Variants in LRMDA observed in about 807,000 individuals in gnomAD.
The protein encoded by LRMDA is leucine-rich melanocyte differentiation-associated protein.
Under a neutral mutation model 29.8 loss-of-function variants are expected in LRMDA, and 18 were observed. The ratio of observed to expected loss-of-function variants is 0.60; its 90% confidence interval spans 0.42 to 0.90. The LOEUF (loss-of-function observed/expected upper bound fraction) is 0.90. Among genes scored for constraint, LRMDA ranks in the 40% least tolerant of loss-of-function variants. The probability of loss-of-function intolerance (pLI) is 0.00; values close to 1 mark genes in which losing one functional copy is unlikely to be tolerated. For missense variants in LRMDA, 273 were observed against 273.9 expected, an observed-to-expected ratio of 1.00 and a Z score of 0.02; for synonymous variants, 125 against 109.4, an observed-to-expected ratio of 1.14 and a Z score of -0.89.
At chr10:76,186,656 G>A (rs968501593) in intron 5 of LRMDA, among the ~76,000 whole-genome samples, 2 of 152,158 alleles carry the variant, frequency 1.3e-5, no homozygotes, top group African/African-American at 4.8e-5. Context: ...AGAATACAGA[G>A]GCCCCATTCA....
chr10:75,723,451 C>T (rs1453025410), intron 2 of LRMDA, among the ~76,000 whole-genome samples: 1 of 152,204 alleles, frequency 6.6e-6, no homozygotes, highest in African/African-American at 2.4e-5. Flanking sequence ...CCCACACAAA[C>T]ATTATGTATT....
intron 2 of LRMDA, among the ~76,000 whole-genome samples, chr10:75,728,591 C>T (rs905229984): frequency 6.6e-6 from 1 of 152,010 alleles, no homozygotes; most frequent in Non-Finnish European, 1.5e-5. Context: ...ATGAAGAAGG[C>T]TGAATTACTG....
intron 5 of LRMDA, among the ~76,000 whole-genome samples, chr10:76,304,764 A>G (rs1231395001): frequency 6.6e-6 from 1 of 152,186 alleles, no homozygotes; most frequent in Non-Finnish European, 1.5e-5. Context: ...AGTGTCTAGT[A>G]GGGGGACAAC....
intron 6 of LRMDA, among the ~76,000 whole-genome samples, chr10:76,455,236 T>A (rs1204023833): frequency 6.6e-6 from 1 of 152,152 alleles, no homozygotes; most frequent in Non-Finnish European, 1.5e-5. Flanking sequence ...TTAAAGGACA[T>A]TAGTTCAACT....
chr10:75,986,474 T>C (rs1008180179), intron 2 of LRMDA, among the ~76,000 whole-genome samples: 1 of 152,262 alleles, frequency 6.6e-6, no homozygotes, highest in African/African-American at 2.4e-5. Flanking sequence ...CTCGTTGTCA[T>C]ATGAATGGCT....
intron 2 of LRMDA, among the ~76,000 whole-genome samples, chr10:76,029,382 AG>A (rs1354572852): frequency 6.6e-6 from 1 of 152,242 alleles, no homozygotes; most frequent in African/African-American, 2.4e-5. Flanking sequence ...GAAGTTAGAA[AG>A]CAGGTATGGA....
At chr10:76,106,884 C>T (rs774348418) in intron 5 of LRMDA, among the ~76,000 whole-genome samples, 1 of 152,194 alleles carries the variant, frequency 6.6e-6, no homozygotes, top group African/African-American at 2.4e-5. Flanking sequence ...ATAGCAGAGT[C>T]CTGATCATGT....
chr10:75,524,082 C>A (rs1845389401), intron 2 of LRMDA, among the ~76,000 whole-genome samples: 1 of 152,090 alleles, frequency 6.6e-6, no homozygotes, highest in Admixed American at 6.6e-5. Context: ...GAAAATGATT[C>A]ATGACTAATG....
intron 2 of LRMDA, among the ~76,000 whole-genome samples, chr10:75,852,538 A>G (rs564898621): frequency 2.9e-3 from 289 of 99,728 alleles, no homozygotes; most frequent in Non-Finnish European, 6.1e-3. Flanking sequence ...AACAACAACA[A>G]CAACAAAAAA....
At chr10:75,526,893 A>G (rs909233162) in intron 2 of LRMDA, among the ~76,000 whole-genome samples, 2 of 152,058 alleles carry the variant, frequency 1.3e-5, no homozygotes, top group African/African-American at 4.8e-5. Flanking sequence ...TATGAAATGT[A>G]CCATTTAAGT....
At chr10:75,928,508 G>A (rs1255366912) in intron 2 of LRMDA, among the ~76,000 whole-genome samples, 6 of 152,142 alleles carry the variant, frequency 3.9e-5, no homozygotes, top group Admixed American at 2.6e-4. Context: ...TGAATAAAAT[G>A]TCTTATTAAG....
chr10:76,363,157 GAAAGAAA>G (rs1841335399), intron 6 of LRMDA, among the ~76,000 whole-genome samples: 1 of 38,914 alleles, frequency 2.6e-5, no homozygotes, highest in African/African-American at 1.1e-4. Context: ...AAGAAAGAAA[GAAAGAAA>G]GAAAGAAAGA....
chr10:76,010,623 T>C (rs1049683470), intron 2 of LRMDA, among the ~76,000 whole-genome samples: 1 of 152,240 alleles, frequency 6.6e-6, no homozygotes, highest in African/African-American at 2.4e-5. Context: ...ATATCCATAT[T>C]TTTAAGAGTA....
At chr10:75,452,272 G>C (rs1323832744) in intron 2 of LRMDA, among the ~76,000 whole-genome samples, 2 of 152,120 alleles carry the variant, frequency 1.3e-5, no homozygotes, top group Non-Finnish European at 2.9e-5. Flanking sequence ...CATTTATTTT[G>C]AGCTGGTTTA....
Position 76,432,877 on chromosome 10 carries a change from G to A in LRMDA, c.601+108392G>A, listed in dbSNP as rs536178291. Among the ~76,000 whole-genome samples the A allele has an allele frequency of 1.5e-4, 23 of 152,254 alleles. No homozygotes were observed. In the East Asian group the frequency reaches 4.3e-3, roughly 28 times the overall value. On this transcript the variant is annotated intron_variant, in intron 6 of 6. Coordinates refer to ENST00000611255, the MANE Select transcript of LRMDA (RefSeq NM_001305581.2). ...GCCCCCTCCCCACATGCCCTAGCTG[G>A]TCTCTTGAATGACTATAGCACTAGC...
At chr10:75,524,392 A>G (rs1845392435) in intron 2 of LRMDA, among the ~76,000 whole-genome samples, 1 of 152,050 alleles carries the variant, frequency 6.6e-6, no homozygotes, top group Non-Finnish European at 1.5e-5. Flanking sequence ...TCTTGGGGTT[A>G]CTCATCTGTA....
Position 75,654,783 on chromosome 10 carries a change from C to A in LRMDA, c.131+216289C>A, listed in dbSNP as rs549704082. Among the ~76,000 whole-genome samples the A allele has an allele frequency of 5.9e-5, 9 of 152,276 alleles. No individual in the cohort carries two copies. In the South Asian group the frequency reaches 1.9e-3, roughly 32 times the overall value. ...CTTTCAGAGAAAATGGTGGGAGTTT[C>A]ATATATTTGAAGCAATGAAAGCAAG... On this transcript the variant is annotated intron_variant, in intron 2 of 6. Transcript: ENST00000611255.
intron 5 of LRMDA, among the ~76,000 whole-genome samples, chr10:76,172,502 A>G (rs773359750): frequency 2.0e-5 from 3 of 152,204 alleles, no homozygotes; most frequent in Non-Finnish European, 2.9e-5. Context: ...TTCCCAGGGA[A>G]GAATACCAGA....
At chr10:76,342,752 G>A (rs942556751) in intron 6 of LRMDA, among the ~76,000 whole-genome samples, 3 of 152,070 alleles carry the variant, frequency 2.0e-5, no homozygotes, top group Non-Finnish European at 4.4e-5. Flanking sequence ...TACATCAAGT[G>A]GATAATTTTG....
Sources: allele counts gnomAD v4.1 joint callset (sites outside exome capture counted in the v4.1 genomes callset), GRCh38; gene constraint gnomAD v4.1.1; transcripts MANE v1.5; gene names NCBI Gene and HGNC (gene_info 2026-07-23, HGNC 2026-07-21).